GLMN: variants seen among roughly 807,000 people sequenced by gnomAD.
GLMN encodes glomulin, FKBP associated protein, also known as glomulin.
In GLMN, 75 loss-of-function variants were observed where a neutral mutation model predicts 87.8. That is an observed-to-expected ratio of 0.85 (90% CI 0.71 to 1.04). The LOEUF (loss-of-function observed/expected upper bound fraction) is 1.04. Among genes scored for constraint, GLMN ranks in the 50% least tolerant of loss-of-function variants. The pLI is 0.00. For synonymous variants in GLMN, 206 were observed against 221.6 expected, an observed-to-expected ratio of 0.93 and a Z score of 0.63; for missense variants, 588 against 658.8, an observed-to-expected ratio of 0.89 and a Z score of 1.18.
intron 5 of GLMN, among the ~76,000 whole-genome samples, chr1:92,289,969 A>C (rs1169211404): frequency 1.3e-5 from 2 of 152,242 alleles, no homozygotes; most frequent in Admixed American, 1.3e-4. Context: ...TAGCACATGA[A>C]AAATAGTATG....
At chr1:92,271,890 A>G (rs1656283104) in intron 7 of GLMN, among the ~76,000 whole-genome samples, 1 of 152,216 alleles carries the variant, frequency 6.6e-6, no homozygotes, top group Admixed American at 6.5e-5. Flanking sequence ...CCAAATCAGT[A>G]GATTTTGAGT....
the GLMN span, among the ~76,000 whole-genome samples, chr1:92,350,237 C>T: frequency 6.6e-6 from 1 of 152,314 alleles, no homozygotes; most frequent in Non-Finnish European, 1.5e-5. Flanking sequence ...AAGCACTATA[C>T]ATTTATGAAG....
At chr1:92,263,487 C>A (rs1256122230) in intron 15 of GLMN, 136 bp downstream of exon 15, 5 of 689,536 alleles carry the variant, frequency 7.3e-6, no homozygotes, top group African/African-American at 1.8e-5. Flanking sequence ...TATGAAAAAT[C>A]TTTATGTAAC....
chr1:92,338,454 C>T, the GLMN span, among the ~76,000 whole-genome samples: 1 of 152,036 alleles, frequency 6.6e-6, no homozygotes, highest in Non-Finnish European at 1.5e-5. Flanking sequence ...TATCACAGAA[C>T]CATGCATCCA....
At chr1:92,302,852 G>A (rs1437066569), upstream of GLMN, among the ~76,000 whole-genome samples, 4 of 151,536 alleles carry the variant, frequency 2.6e-5, no homozygotes, top group Non-Finnish European at 5.9e-5. Context: ...CGCCCGCGTC[G>A]GCCTCCCAAA....
intron 7 of GLMN, among the ~76,000 whole-genome samples, chr1:92,278,977 CCTATT>C (rs1198214527): frequency 6.6e-6 from 1 of 152,216 alleles, no homozygotes; most frequent in Non-Finnish European, 1.5e-5. Flanking sequence ...TTTCAAGCAT[CCTATT>C]CTTTACACCT....
chr1:92,268,245 T>C, intron 9 of GLMN, 110 bp from the exon 10 acceptor site: 1 of 658,820 alleles, frequency 1.5e-6, no homozygotes, highest in South Asian at 1.8e-5. Context: ...TTAAAATGCA[T>C]ATCATTAAGG....
the GLMN span, among the ~76,000 whole-genome samples, chr1:92,346,411 G>A: frequency 6.6e-6 from 1 of 151,988 alleles, no homozygotes; most frequent in African/African-American, 2.4e-5. Flanking sequence ...AGAGCCACCT[G>A]CCTCTACCTC....
chr1:92,300,316 T>C, upstream of GLMN: 1 of 1,169,444 alleles, frequency 8.6e-7, no homozygotes. Context: ...AAAACAATAA[T>C]GGTTACCTTT....
At chr1:92,330,664 T>C in the GLMN span, among the ~76,000 whole-genome samples, 1 of 151,856 alleles carries the variant, frequency 6.6e-6, no homozygotes, top group African/African-American at 2.4e-5. Flanking sequence ...CCAGGCCAGG[T>C]TGGTCTCGAA....
At chr1:92,353,057 T>C in the GLMN span, among the ~76,000 whole-genome samples, 1 of 152,244 alleles carries the variant, frequency 6.6e-6, no homozygotes, top group Non-Finnish European at 1.5e-5. Context: ...TAATATTCCA[T>C]TGTATGGATA....
intron 7 of GLMN, among the ~76,000 whole-genome samples, chr1:92,285,510 T>C (rs1648640201): frequency 2.0e-5 from 3 of 152,312 alleles, no homozygotes; most frequent in Middle Eastern, 6.8e-3. Context: ...AAATACCTAA[T>C]GTAAATGATG....
the GLMN span, among the ~76,000 whole-genome samples, chr1:92,324,599 A>G: frequency 6.6e-6 from 1 of 152,140 alleles, no homozygotes; most frequent in Non-Finnish European, 1.5e-5. Flanking sequence ...AGTGTGCAAT[A>G]TTTTTTTCTA....
In GLMN at chr1:92,291,536, A is replaced by T; in HGVS notation, c.167T>A (p.Val56Asp). Residue 56 changes from valine to aspartate, a missense_variant and splice_region_variant, in exon 4 of 19, where the codon GTC (valine) becomes GAC (aspartate). Val to Asp is a radical substitution (Grantham distance 152). Transcript: ENST00000370360. ...ATTCCAGCCCATATTCTTGATGATG[A>T]CCTGTAAAAACATTTTCAGAGTAAA... ...LEIIQNEKNK[V>D]IIKNMGWNLV... The T allele has an allele frequency of 6.2e-7, 1 of 1,613,686 alleles. No individual in the cohort carries two copies. Among genetic ancestry groups the T allele is most frequent in the Non-Finnish European group, 8.5e-7 (1 of 1,179,628 alleles).
intron 9 of GLMN, 59 bp from the exon 10 acceptor site, chr1:92,268,194 A>G (rs1254405698): frequency 5.5e-6 from 5 of 916,936 alleles, no homozygotes; most frequent in African/African-American, 1.7e-5. Flanking sequence ...ATGATACTTC[A>G]TCTTATGAAA....
the GLMN span, among the ~76,000 whole-genome samples, chr1:92,346,401 AGAG>A: frequency 6.6e-6 from 1 of 152,072 alleles, no homozygotes; most frequent in Non-Finnish European, 1.5e-5. Context: ...TGGACTCAAG[AGAG>A]CCACCTGCCT....
rs1311228458 is a variant in GLMN, at chr1:92,259,736, T to TC, written c.1473+3126_1473+3127insG. On this transcript the variant is annotated intron_variant, in intron 16 of 18. Coordinates refer to ENST00000370360, the MANE Select transcript of GLMN (RefSeq NM_053274.3). ...TGTTTTTTCTTTTTTTTCTTTCTTT[T>TC]TTTTTTTTTTTTTTTTGAGACAGAC... is the stretch of plus-strand genomic sequence containing the variant. Among the ~76,000 whole-genome samples, 9 of 130,814 alleles carry TC rather than the reference T, an allele frequency of 6.9e-5. No homozygotes were observed. The South Asian group carries it at 1.2e-3, about 18-fold the overall frequency. 85.8% of individuals were successfully genotyped at this position (130,814 alleles called of 152,430 possible). A position where few individuals can be genotyped will look rare whatever the true frequency, so the allele number is the denominator to read the frequency against.
At chr1:92,298,991 C>A, upstream of GLMN, 1 of 654,714 alleles carries the variant, frequency 1.5e-6, no homozygotes, top group Non-Finnish European at 2.5e-6. Context: ...CTCTTCTGGC[C>A]CCGCCCCGCG....
the GLMN span, among the ~76,000 whole-genome samples, chr1:92,313,484 A>G: frequency 1.4e-5 from 2 of 147,952 alleles, no homozygotes; most frequent in African/African-American, 5.0e-5. Context: ...CAGTTGGCTT[A>G]AAATATTCAG....
Sources: gnomAD v4.1 joint callset for allele counts (sites outside exome capture counted in the v4.1 genomes callset) on GRCh38, gnomAD v4.1.1 for gene constraint, MANE v1.5 for transcripts, NCBI Gene and HGNC (gene_info 2026-07-23, HGNC 2026-07-21) for gene names.